The following ACTR3 variants were observed in gnomAD, a reference collection of about 807,000 sequenced individuals.
The protein encoded by ACTR3 is actin related protein 3.
Under a neutral mutation model 56.8 loss-of-function variants are expected in ACTR3, and 12 were observed. The observed-to-expected ratio is 0.21, with a 90% CI of 0.14 to 0.34. The LOEUF is 0.34. Ranked by LOEUF, ACTR3 falls within the 10% of genes least tolerant of loss-of-function variation. The pLI, the probability that ACTR3 is intolerant of heterozygous loss-of-function variation, is 1.00. For missense variants in ACTR3, 282 were observed against 512.5 expected, an observed-to-expected ratio of 0.55 and a Z score of 4.34; for synonymous variants, 162 against 167.4, an observed-to-expected ratio of 0.97 and a Z score of 0.25.
chr2:113,910,534 G>A (rs981845003), intron 1 of ACTR3, among the ~76,000 whole-genome samples: 6 of 152,160 alleles, frequency 3.9e-5, no homozygotes, highest in Non-Finnish European at 7.3e-5. Context: ...TGTGACTGGT[G>A]TCTGAAGAAG....
chr2:113,924,001 G>A (rs36040648), intron 3 of ACTR3, among the ~76,000 whole-genome samples: 11,092 of 150,734 alleles, frequency 0.074, 453 homozygotes, highest in African/African-American at 0.1. Context: ...AATGGATCTG[G>A]TCCATCCTAA....
intron 5 of ACTR3, among the ~76,000 whole-genome samples, chr2:113,932,248 G>C (rs1455306515): frequency 2.6e-5 from 4 of 152,122 alleles, no homozygotes; most frequent in African/African-American, 9.7e-5. Context: ...ATTCTCTGCT[G>C]CTAAAAATAT....
chr2:113,936,302 CAAAAAAAAA>C (rs61526382), intron 6 of ACTR3, among the ~76,000 whole-genome samples: 24 of 78,278 alleles, frequency 3.1e-4, no homozygotes, highest in African/African-American at 7.8e-4. Flanking sequence ...ACCCTGTCTC[CAAAAAAAAA>C]AAAAAAAAAA....
chr2:113,907,839 G>C (rs1401161434), intron 1 of ACTR3, among the ~76,000 whole-genome samples: 1 of 151,780 alleles, frequency 6.6e-6, no homozygotes, highest in Non-Finnish European at 1.5e-5. Context: ...AGGCATGGTG[G>C]CGCATGCCTG....
intron 1 of ACTR3, 187 bp downstream of exon 1, chr2:113,890,510 T>G: frequency 1.5e-6 from 2 of 1,340,164 alleles, no homozygotes; most frequent in South Asian, 1.6e-5. Flanking sequence ...TTCTCCCTCC[T>G]GGGACTGGGG....
intron 3 of ACTR3, among the ~76,000 whole-genome samples, chr2:113,925,461 G>T (rs890862817): frequency 1.3e-5 from 2 of 152,190 alleles, no homozygotes; most frequent in African/African-American, 4.8e-5. Flanking sequence ...CTCCCAAAGT[G>T]CTGGGATTAC....
At chr2:113,919,815 GCTCA>G (rs55895994) in intron 3 of ACTR3, among the ~76,000 whole-genome samples, 45,170 of 152,018 alleles carry the variant, frequency 0.3, 11,025 homozygotes, top group African/African-American at 0.67. Context: ...CACAATCACA[GCTCA>G]CTCACTGCAG....
intron 1 of ACTR3, among the ~76,000 whole-genome samples, chr2:113,897,915 A>G (rs1425927924): frequency 6.6e-6 from 1 of 152,148 alleles, no homozygotes; most frequent in Non-Finnish European, 1.5e-5. Flanking sequence ...TTTTATTTTT[A>G]AACATTTTGT....
At chr2:113,937,433 C>G (rs552427848) in intron 6 of ACTR3, among the ~76,000 whole-genome samples, 14 of 152,218 alleles carry the variant, frequency 9.2e-5, no homozygotes, top group African/African-American at 3.4e-4. Context: ...TATTCACGTA[C>G]CATATCTAGT....
chr2:113,924,335 C>T (rs561507089), intron 3 of ACTR3, among the ~76,000 whole-genome samples: 2 of 152,164 alleles, frequency 1.3e-5, no homozygotes, highest in African/African-American at 2.4e-5. Flanking sequence ...CCTTGGCCTC[C>T]CAAAGTGCTG....
At chr2:113,952,648 T>C (rs1351714625) in intron 10 of ACTR3, 1 of 152,160 alleles carries the variant, frequency 6.6e-6, no homozygotes, top group Non-Finnish European at 1.5e-5. Context: ...GATGGCTGAC[T>C]GTTGTCAGTG....
intron 1 of ACTR3, among the ~76,000 whole-genome samples, chr2:113,908,593 G>A (rs776346733): frequency 2.0e-4 from 30 of 151,474 alleles, no homozygotes; most frequent in Non-Finnish European, 4.0e-4. Context: ...GCATTAAAAA[G>A]TATTTTTTTA....
intron 1 of ACTR3, among the ~76,000 whole-genome samples, chr2:113,892,254 C>A (rs1396562692): frequency 1.3e-5 from 2 of 152,174 alleles, no homozygotes; most frequent in Admixed American, 6.6e-5. Flanking sequence ...TGCTGAATGA[C>A]CAGTAGGATC....
chr2:113,937,408 G>GA (rs1456730327), intron 6 of ACTR3, among the ~76,000 whole-genome samples: 1 of 152,036 alleles, frequency 6.6e-6, no homozygotes, highest in Non-Finnish European at 1.5e-5. Context: ...GCCCAGCCTT[G>GA]AAATTGAGTT....
intron 4 of ACTR3, among the ~76,000 whole-genome samples, chr2:113,930,615 G>C (rs1448609554): frequency 6.6e-6 from 1 of 152,142 alleles, no homozygotes; most frequent in Non-Finnish European, 1.5e-5. Context: ...CAGTTTAAGT[G>C]ATCATGAGGC....
intron 6 of ACTR3, among the ~76,000 whole-genome samples, chr2:113,936,555 A>G (rs1679830863): frequency 6.6e-6 from 1 of 152,222 alleles, no homozygotes; most frequent in Non-Finnish European, 1.5e-5. Context: ...AATAATAATT[A>G]TACAACAGCT....
intron 3 of ACTR3, among the ~76,000 whole-genome samples, chr2:113,924,423 C>T (rs59858371): frequency 0.045 from 6,894 of 152,052 alleles, 511 homozygotes; most frequent in African/African-American, 0.16. Context: ...GGCCCCTTGT[C>T]GTCCATACCA....
chr2:113,945,308 C>G lies in ACTR3; in HGVS notation c.858+2949C>G, dbSNP rs569953091. 2.0e-5 allele frequency among the ~76,000 whole-genome samples: 3 copies of G among 152,300 alleles called. No homozygotes were observed. The East Asian group carries it at 5.8e-4, about 29-fold the overall frequency. On this transcript the variant is annotated intron_variant, in intron 8 of 11. Transcript: ENST00000263238. ...GCTGCCATTGTGTTCTATAGAGCAT[C>G]CACTAGCTTTTAGTTATTGCTCTTG...
chr2:113,897,716 C>T (rs960056883), intron 1 of ACTR3, among the ~76,000 whole-genome samples: 7 of 151,390 alleles, frequency 4.6e-5, no homozygotes, highest in African/African-American at 7.3e-5. Flanking sequence ...TAGTAGAGAC[C>T]GGGTTTCACC....
Sources: allele counts gnomAD v4.1 joint callset (sites outside exome capture counted in the v4.1 genomes callset), GRCh38; gene constraint gnomAD v4.1.1; transcripts MANE v1.5; gene names NCBI Gene and HGNC (gene_info 2026-07-23, HGNC 2026-07-21).